Variants in DOCK5 observed in about 807,000 individuals in gnomAD.
The protein encoded by DOCK5 is dedicator of cytokinesis protein 5.
A neutral mutation model predicts 251.8 loss-of-function variants in DOCK5; 142 were observed. The observed-to-expected ratio is 0.56, with a 90% CI of 0.49 to 0.65. The LOEUF is 0.65. Among genes scored for constraint, DOCK5 ranks in the 30% least tolerant of loss-of-function variants. The pLI, the probability that DOCK5 is intolerant of heterozygous loss-of-function variation, is 0.00. For synonymous variants in DOCK5, 842 were observed against 835.5 expected, an observed-to-expected ratio of 1.01 and a Z score of -0.13; for missense variants, 2,111 against 2,312.3, an observed-to-expected ratio of 0.91 and a Z score of 1.79.
At chr8:25,251,791 C>T (rs1803276637) in intron 2 of DOCK5, among the ~76,000 whole-genome samples, 1 of 152,150 alleles carries the variant, frequency 6.6e-6, no homozygotes. Flanking sequence ...GAGTTTGAGA[C>T]CAGTCTGGCC....
At chr8:25,185,910 T>G (rs937503175) in intron 1 of DOCK5, among the ~76,000 whole-genome samples, 1 of 152,224 alleles carries the variant, frequency 6.6e-6, no homozygotes, top group African/African-American at 2.4e-5. Context: ...GTGATTACAA[T>G]GGCAGTTAGA....
At chr8:25,278,158 AC>A in intron 4 of DOCK5, among the ~76,000 whole-genome samples, 1 of 152,266 alleles carries the variant, frequency 6.6e-6, no homozygotes, top group African/African-American at 2.4e-5. Flanking sequence ...GGGTGGAGTC[AC>A]AGCCCCAGGA....
intron 1 of DOCK5, among the ~76,000 whole-genome samples, chr8:25,220,748 A>C (rs1008563576): frequency 1.5e-4 from 23 of 152,046 alleles, no homozygotes; most frequent in African/African-American, 5.3e-4. Context: ...GGGATTACAG[A>C]TATCTGCCAT....
intron 18 of DOCK5, among the ~76,000 whole-genome samples, chr8:25,331,843 T>G (rs1023131717): frequency 1.6e-4 from 22 of 141,756 alleles, no homozygotes; most frequent in Non-Finnish European, 2.6e-4. Flanking sequence ...GAGAGAGAGA[T>G]ACACACATAC....
intron 1 of DOCK5, among the ~76,000 whole-genome samples, chr8:25,187,786 C>T (rs961244253): frequency 6.6e-6 from 1 of 152,156 alleles, no homozygotes; most frequent in African/African-American, 2.4e-5. Context: ...TGCAGAGTCC[C>T]TCCTTTGGGA....
chr8:25,378,154 C>G (rs189402108), intron 38 of DOCK5, among the ~76,000 whole-genome samples: 1 of 152,276 alleles, frequency 6.6e-6, no homozygotes, highest in Non-Finnish European at 1.5e-5. Context: ...GGCTCACAGC[C>G]CTAACCTTCT....
At chr8:25,305,752 T>G (rs2117174352) in intron 11 of DOCK5, among the ~76,000 whole-genome samples, 1 of 152,302 alleles carries the variant, frequency 6.6e-6, no homozygotes, top group East Asian at 1.9e-4. Flanking sequence ...CTTTAGTGTT[T>G]GGGTAGATAT....
intron 6 of DOCK5, 60 bp from the exon 7 acceptor site, chr8:25,296,453 T>C: frequency 6.4e-7 from 1 of 1,565,026 alleles, no homozygotes; most frequent in South Asian, 1.2e-5. Flanking sequence ...TGACAAGGAC[T>C]CCTCAGTAAA....
At chr8:25,226,671 C>G (rs184386922) in intron 1 of DOCK5, among the ~76,000 whole-genome samples, 1 of 151,668 alleles carries the variant, frequency 6.6e-6, no homozygotes, top group Non-Finnish European at 1.5e-5. Flanking sequence ...CTGCAAGCTC[C>G]GCCTCCTGGG....
chr8:25,399,951 A>C lies in DOCK5; in HGVS notation c.4745A>C (p.Asp1582Ala). The C allele has an allele frequency of 6.2e-7, 1 of 1,613,768 alleles. No homozygotes were observed. The highest frequency in any genetic ancestry group is 8.5e-7 in the Non-Finnish European group (1 of 1,179,792). The change falls in exon 46 of 52, where the codon GAC becomes GCC. Residue 1582 changes from aspartate to alanine, a missense_variant. Asp to Ala is a moderately radical substitution (Grantham distance 126). Coordinates refer to ENST00000276440, the MANE Select transcript of DOCK5 (RefSeq NM_024940.8). ...AAGTACTTGCAGGAGCATCCTGAAG[A>C]CCAGGAGAAGGTTGAGCTGCTAAAG... is the stretch of plus-strand genomic sequence containing the variant. ...TEKYLQEHPE[D>A]QEKVELLKRL...
intron 3 of DOCK5, among the ~76,000 whole-genome samples, chr8:25,273,625 C>T (rs894269140): frequency 7.2e-5 from 11 of 152,140 alleles, no homozygotes; most frequent in African/African-American, 1.9e-4. Flanking sequence ...AATGAATGAA[C>T]GCATGAATGA....
At position 25,411,244 on chromosome 8, in the gene DOCK5, A is replaced by G; in HGVS notation, c.5559A>G (p.Pro1853=). ...GAGAAGCCAAAGCACCACCCCCTCCACCTCCAAAGGCTCGGAAGTCTGGCA... is the reference window on the plus strand; with the variant it reads ...GAGAAGCCAAAGCACCACCCCCTCCGCCTCCAAAGGCTCGGAAGTCTGGCA... The part of the protein sequence containing the change: ...VRREAKAPPP[P]PPKARKSGIP... The change falls in exon 52 of 52, where the codon CCA becomes CCG. Residue 1853 remains proline, a synonymous_variant. Transcript: ENST00000276440. 6.3e-7 allele frequency: 1 copy of G among 1,588,842 alleles called. No individual in the cohort carries two copies. Among genetic ancestry groups the G allele is most frequent in the Non-Finnish European group, 8.6e-7 (1 of 1,169,576 alleles).
chr8:25,343,948 G>T (rs1800310923), intron 25 of DOCK5, among the ~76,000 whole-genome samples: 1 of 152,194 alleles, frequency 6.6e-6, no homozygotes, highest in South Asian at 2.1e-4. Flanking sequence ...TGGGATTACA[G>T]GTGTGCACCA....
At chr8:25,189,095 C>G (rs1172912635) in intron 1 of DOCK5, among the ~76,000 whole-genome samples, 1 of 140,272 alleles carries the variant, frequency 7.1e-6, no homozygotes, top group Non-Finnish European at 1.5e-5. Context: ...ACAGCCCAGA[C>G]TAGAGTACAG....
intron 1 of DOCK5, among the ~76,000 whole-genome samples, chr8:25,190,494 C>T (rs1801549985): frequency 1.3e-5 from 2 of 152,150 alleles, no homozygotes; most frequent in African/African-American, 4.8e-5. Flanking sequence ...GACAGTATCA[C>T]AGGCGCTAGT....
At position 25,210,041 on chromosome 8, in the gene DOCK5, T is replaced by TATATAA. The variant is rs1563309172; in HGVS notation, c.43+25090_43+25091insATATAA. Among the ~76,000 whole-genome samples, 30 of 17,316 alleles carry TATATAA rather than the reference T, an allele frequency of 1.7e-3. 4 individuals carry two copies. The highest frequency in any genetic ancestry group is 7.8e-3 in the African/African-American group (28 of 3,582). The allele number at this position is 17,316 out of a possible 152,430, so 11.4% of individuals were successfully genotyped here. A position where few individuals can be genotyped will look rare whatever the true frequency, so the allele number is the denominator to read the frequency against. ...ATATATATATATATATATAAATGTG[T>TATATAA]GTGTGTGTGTGTGTGTGTGTGTGTG... On this transcript the variant is annotated intron_variant, in intron 1 of 51. Coordinates refer to ENST00000276440, the MANE Select transcript of DOCK5 (RefSeq NM_024940.8).
chr8:25,275,067 C>G (rs1421769594), intron 3 of DOCK5, among the ~76,000 whole-genome samples: 2 of 152,160 alleles, frequency 1.3e-5, no homozygotes, highest in Non-Finnish European at 2.9e-5. Context: ...TGGCAAGTAG[C>G]ATCTGAGGGG....
chr8:25,312,727 C>T (rs534846183), intron 13 of DOCK5, among the ~76,000 whole-genome samples: 29 of 147,762 alleles, frequency 2.0e-4, no homozygotes, highest in Admixed American at 6.9e-4. Context: ...TGCACCACCG[C>T]GCTCCAGCAT....
chr8:25,341,196 A>G (rs930987052), intron 23 of DOCK5, among the ~76,000 whole-genome samples: 1 of 152,184 alleles, frequency 6.6e-6, no homozygotes, highest in African/African-American at 2.4e-5. Flanking sequence ...CAACTTGCCA[A>G]AGACAAGCTA....
Sources: gnomAD v4.1 joint callset for allele counts (sites outside exome capture counted in the v4.1 genomes callset) on GRCh38, gnomAD v4.1.1 for gene constraint, MANE v1.5 for transcripts, NCBI Gene and HGNC (gene_info 2026-07-23, HGNC 2026-07-21) for gene names.